The following ROBO1 variants were observed in gnomAD, a reference collection of about 807,000 sequenced individuals.
ROBO1 encodes the protein roundabout guidance receptor 1.
Under a neutral mutation model 195.9 loss-of-function variants are expected in ROBO1, and 149 were observed. The observed-to-expected ratio is 0.76, with a 90% confidence interval of 0.67 to 0.87. The LOEUF is 0.87. Ranked by LOEUF, ROBO1 falls within the 40% of genes least tolerant of loss-of-function variation. The pLI is 0.00. For missense variants in ROBO1, 1,933 were observed against 2,068.3 expected, an observed-to-expected ratio of 0.93 and a Z score of 1.27; for synonymous variants, 816 against 733.2, an observed-to-expected ratio of 1.11 and a Z score of -1.82.
At chr3:78,636,969 A>ATATG (rs1705554637) in intron 22 of ROBO1, among the ~76,000 whole-genome samples, 1 of 135,382 alleles carries the variant, frequency 7.4e-6, no homozygotes, top group Non-Finnish European at 1.6e-5. Flanking sequence ...ATATATATAT[A>ATATG]TATGGCCTGC....
At chr3:78,806,854 C>G (rs1481346410) in intron 4 of ROBO1, among the ~76,000 whole-genome samples, 2 of 151,898 alleles carry the variant, frequency 1.3e-5, no homozygotes, top group African/African-American at 2.4e-5. Flanking sequence ...GTTGCCCAGG[C>G]TAGAATGCAG....
chr3:79,731,531 T>C (rs1013839673), intron 1 of ROBO1, among the ~76,000 whole-genome samples: 20 of 152,220 alleles, frequency 1.3e-4, no homozygotes, highest in African/African-American at 4.8e-4. Flanking sequence ...AATTACCCAA[T>C]GCTGTCTATC....
chr3:79,121,890 C>A (rs952837674), intron 3 of ROBO1, among the ~76,000 whole-genome samples: 1 of 151,768 alleles, frequency 6.6e-6, no homozygotes, highest in Non-Finnish European at 1.5e-5. Context: ...TCATTAGCAC[C>A]CACTTATTCC....
chr3:78,794,083 C>CAAA (rs1418866233), intron 4 of ROBO1, among the ~76,000 whole-genome samples: 1 of 152,032 alleles, frequency 6.6e-6, no homozygotes, highest in East Asian at 1.9e-4. Flanking sequence ...CGTAAATTCA[C>CAAA]AAAAACACAG....
chr3:79,274,863 C>T (rs1180940312), intron 2 of ROBO1, among the ~76,000 whole-genome samples: 1 of 151,846 alleles, frequency 6.6e-6, no homozygotes, highest in African/African-American at 2.4e-5. Context: ...CAACTATATG[C>T]CAATAAATTG....
intron 4 of ROBO1, among the ~76,000 whole-genome samples, chr3:78,804,134 A>C (rs333483): frequency 0.66 from 100,639 of 151,962 alleles, 34,649 homozygotes; most frequent in South Asian, 0.8. Flanking sequence ...ATACTCTTTA[A>C]AAAATAATAG....
intron 2 of ROBO1, among the ~76,000 whole-genome samples, chr3:79,468,961 T>C (rs1158854127): frequency 6.6e-6 from 1 of 152,182 alleles, no homozygotes; most frequent in Non-Finnish European, 1.5e-5. Flanking sequence ...TTGTGAAGAC[T>C]AAATGAGATT....
intron 5 of ROBO1, among the ~76,000 whole-genome samples, chr3:78,719,842 A>G (rs181256993): frequency 1.6e-3 from 241 of 152,216 alleles, no homozygotes; most frequent in African/African-American, 4.8e-3. Context: ...ATCTTTTCTC[A>G]TATGTGCAGT....
chr3:79,199,185 T>C (rs750561267), intron 2 of ROBO1, among the ~76,000 whole-genome samples: 5 of 151,832 alleles, frequency 3.3e-5, no homozygotes, highest in Admixed American at 6.6e-5. Context: ...AGTCCTTGAA[T>C]GGCTTATAAA....
intron 2 of ROBO1, among the ~76,000 whole-genome samples, chr3:79,453,411 A>G (rs559930260): frequency 4.2e-4 from 64 of 152,252 alleles, no homozygotes; most frequent in African/African-American, 1.5e-3. Flanking sequence ...TTTAGACCAC[A>G]CAACTATTCA....
intron 2 of ROBO1, among the ~76,000 whole-genome samples, chr3:79,450,439 C>A (rs1370149288): frequency 6.6e-6 from 1 of 151,958 alleles, no homozygotes; most frequent in Non-Finnish European, 1.5e-5. Flanking sequence ...GACAAGTTAT[C>A]TGAATATATC....
chr3:78,785,329 A>C (rs1324792459), intron 4 of ROBO1, among the ~76,000 whole-genome samples: 16 of 152,164 alleles, frequency 1.1e-4, no homozygotes. Context: ...ACTTCAGTGC[A>C]GTGGGGATCT....
intron 8 of ROBO1, among the ~76,000 whole-genome samples, chr3:78,701,867 C>T (rs904933647): frequency 2.0e-5 from 3 of 152,076 alleles, no homozygotes; most frequent in African/African-American, 7.2e-5. Context: ...AAAGCAATTA[C>T]TCAGCTATAT....
intron 2 of ROBO1, among the ~76,000 whole-genome samples, chr3:79,395,846 GT>G (rs921980600): frequency 9.9e-5 from 15 of 151,830 alleles, no homozygotes; most frequent in African/African-American, 3.6e-4. Context: ...TGGATACACA[GT>G]TTTTTTCTGA....
At chr3:79,714,386 T>A (rs986465551) in intron 1 of ROBO1, among the ~76,000 whole-genome samples, 6 of 152,116 alleles carry the variant, frequency 3.9e-5, no homozygotes, top group Non-Finnish European at 7.3e-5. Context: ...TAGGAACACT[T>A]TTACACTGTT....
intron 2 of ROBO1, among the ~76,000 whole-genome samples, chr3:79,211,458 G>A (rs2081964546): frequency 6.6e-6 from 1 of 152,110 alleles, no homozygotes; most frequent in South Asian, 2.1e-4. Flanking sequence ...TGTAAGAGAA[G>A]AGCTCTCTGC....
chr3:78,962,937 G>A (rs1190481091), intron 3 of ROBO1, among the ~76,000 whole-genome samples: 2 of 151,742 alleles, frequency 1.3e-5, no homozygotes, highest in Non-Finnish European at 2.9e-5. Flanking sequence ...GCCCAAGCAG[G>A]AAGTTCAAGT....
chr3:79,540,199 T>C (rs566197119), intron 2 of ROBO1, among the ~76,000 whole-genome samples: 1 of 152,180 alleles, frequency 6.6e-6, no homozygotes, highest in South Asian at 2.1e-4. Flanking sequence ...ATTTGCATCA[T>C]ATAAGATCAT....
At chr3:79,334,043 C>G (rs140636524) in intron 2 of ROBO1, among the ~76,000 whole-genome samples, 1 of 151,912 alleles carries the variant, frequency 6.6e-6, no homozygotes, top group Non-Finnish European at 1.5e-5. Context: ...TGGTGGCTCA[C>G]GCCTGTAATC....
Sources: allele counts gnomAD v4.1 joint callset (sites outside exome capture counted in the v4.1 genomes callset), GRCh38; gene constraint gnomAD v4.1.1; transcripts MANE v1.5; gene names NCBI Gene and HGNC (gene_info 2026-07-23, HGNC 2026-07-21).